Variants in TBC1D22A observed in about 807,000 individuals in gnomAD.
TBC1D22A encodes TBC1 domain family member 22A.
In TBC1D22A, 38 loss-of-function variants were observed where a neutral mutation model predicts 60.2. The ratio of observed to expected loss-of-function variants is 0.63; its 90% CI spans 0.49 to 0.83. TBC1D22A has a LOEUF of 0.83. Ranked by LOEUF, TBC1D22A falls within the 40% of genes least tolerant of loss-of-function variation. The pLI is 0.00. For missense variants in TBC1D22A, 628 were observed against 701.0 expected (o/e 0.90, Z 1.18); for synonymous variants, 302 against 281.7 (o/e 1.07, Z -0.72).
chr22:46,799,923 G>A (rs982582036), intron 4 of TBC1D22A, among the ~76,000 whole-genome samples: 1 of 152,248 alleles, frequency 6.6e-6, no homozygotes, highest in African/African-American at 2.4e-5. Flanking sequence ...TCTTTCCACT[G>A]AAGAGCTCCC....
chr22:46,772,644 CTTTT>C (rs75900312), intron 1 of TBC1D22A, among the ~76,000 whole-genome samples: 1 of 110,932 alleles, frequency 9.0e-6, no homozygotes, highest in Non-Finnish European at 1.9e-5. Flanking sequence ...ATGCACCGCA[CTTTT>C]TTTTTTTTTT....
chr22:47,054,608 T>C (rs1392107566), intron 11 of TBC1D22A, among the ~76,000 whole-genome samples: 1 of 152,202 alleles, frequency 6.6e-6, no homozygotes, highest in East Asian at 1.9e-4. Flanking sequence ...CGGCTCCTCT[T>C]CCTTCTCAGG....
intron 1 of TBC1D22A, among the ~76,000 whole-genome samples, chr22:46,781,449 T>C (rs2083933867): frequency 6.6e-6 from 1 of 152,216 alleles, no homozygotes; most frequent in Non-Finnish European, 1.5e-5. Flanking sequence ...GTGCTGGGAT[T>C]ATAGGCCTGA....
intron 10 of TBC1D22A, among the ~76,000 whole-genome samples, chr22:47,003,390 AC>A (rs918948544): frequency 6.6e-6 from 1 of 151,288 alleles, no homozygotes. Flanking sequence ...ACGCACACAC[AC>A]CCTACACACA....
At chr22:47,153,984 G>A (rs901837570) in intron 12 of TBC1D22A, among the ~76,000 whole-genome samples, 2 of 152,102 alleles carry the variant, frequency 1.3e-5, no homozygotes, top group African/African-American at 2.4e-5. Context: ...GCATGGGAGG[G>A]TGGGCAGAGA....
chr22:46,814,157 T>C (rs1433044241), intron 4 of TBC1D22A, among the ~76,000 whole-genome samples: 4 of 152,262 alleles, frequency 2.6e-5, no homozygotes, highest in African/African-American at 4.8e-5. Flanking sequence ...TATTTAAAAT[T>C]ACAGATGGTC....
At position 46,762,678 on chromosome 22, in the gene TBC1D22A, A is replaced by G. The variant is rs1333285309; in HGVS notation, c.-109A>G. ...AGAGCTTCTCGGCTCTAGGCTCTGGAGTCCCGGGAGCAGTGAGGGGCCACC... is the reference window on the plus strand; with the variant it reads ...AGAGCTTCTCGGCTCTAGGCTCTGGGGTCCCGGGAGCAGTGAGGGGCCACC... On this transcript the variant is annotated 5_prime_UTR_variant, in exon 1 of 13. Coordinates refer to ENST00000337137, the MANE Select transcript of TBC1D22A (RefSeq NM_014346.5). The G allele has an allele frequency of 6.6e-6, 6 of 904,424 alleles. No individual in the cohort carries two copies. The highest frequency in any genetic ancestry group is 9.3e-6 in the Non-Finnish European group (6 of 646,070). 56.0% of individuals were successfully genotyped at this position (904,424 alleles called of 1,614,324 possible). A position where few individuals can be genotyped will look rare whatever the true frequency, so the allele number is the denominator to read the frequency against.
At chr22:47,057,725 C>T (rs565667485) in intron 11 of TBC1D22A, among the ~76,000 whole-genome samples, 1 of 152,266 alleles carries the variant, frequency 6.6e-6, no homozygotes, top group South Asian at 2.1e-4. Context: ...CTCACTATCG[C>T]GAGAATAGCA....
Position 47,037,052 on chromosome 22 carries a change from CT to C in TBC1D22A, c.1202-18del. The C allele has an allele frequency of 6.2e-7, 1 of 1,612,860 alleles. No individual in the cohort carries two copies. Among genetic ancestry groups the C allele is most frequent in the Middle Eastern group, 1.7e-4 (1 of 6,046 alleles). On this transcript the variant is annotated intron_variant, in intron 10 of 12. Transcript: ENST00000337137. ...AGGGCTCCCCTGACAGCCTTGGGGC[CT>C]GTGTTTGTTTTGTGCAGAGCAAGTG...
intron 4 of TBC1D22A, among the ~76,000 whole-genome samples, chr22:46,852,148 G>C (rs537025839): frequency 6.6e-6 from 1 of 152,334 alleles, no homozygotes; most frequent in South Asian, 2.1e-4. Context: ...TATTTGGGGG[G>C]ATGTCGTGGG....
At chr22:46,774,658 C>A (rs2083623479) in intron 1 of TBC1D22A, among the ~76,000 whole-genome samples, 1 of 152,246 alleles carries the variant, frequency 6.6e-6, no homozygotes, top group African/African-American at 2.4e-5. Flanking sequence ...GAAGGTGGGC[C>A]TCTGCTCAAG....
At chr22:47,118,562 CAAG>C (rs1360119478) in intron 12 of TBC1D22A, among the ~76,000 whole-genome samples, 1 of 151,736 alleles carries the variant, frequency 6.6e-6, no homozygotes, top group Non-Finnish European at 1.5e-5. Flanking sequence ...AGCCTTTAAC[CAAG>C]AAGTTAAAAA....
chr22:47,140,768 G>T (rs2067053678), intron 12 of TBC1D22A, among the ~76,000 whole-genome samples: 1 of 152,132 alleles, frequency 6.6e-6, no homozygotes, highest in Admixed American at 6.5e-5. Context: ...CTCAGTTGCT[G>T]CCCTGGCTTC....
chr22:46,815,887 G>A (rs1381801783), intron 4 of TBC1D22A, among the ~76,000 whole-genome samples: 2 of 152,154 alleles, frequency 1.3e-5, no homozygotes, highest in Admixed American at 6.5e-5. Context: ...GAGGCCTGCT[G>A]GTGGGTCGGG....
In TBC1D22A at chr22:46,812,337, G is replaced by T. The variant is rs142686744; in HGVS notation, c.637+14717G>T. Among the ~76,000 whole-genome samples the T allele has an allele frequency of 2.4e-4, 36 of 152,304 alleles. No homozygotes were observed. The East Asian group carries it at 5.4e-3, about 23-fold the overall frequency. On this transcript the variant is annotated intron_variant, in intron 4 of 12. Transcript: ENST00000337137. ...CGCTGGCTTCTCTGCACCCCCTGTG[G>T]GCACAGCAGGCACAAGGATAATGAG...
intron 11 of TBC1D22A, among the ~76,000 whole-genome samples, chr22:47,072,712 C>T (rs552475364): frequency 6.6e-6 from 1 of 152,372 alleles, no homozygotes; most frequent in East Asian, 1.9e-4. Flanking sequence ...CATGGCACCC[C>T]GATCCGATTT....
chr22:46,768,484 C>CAAAAAAA (rs3083471), intron 1 of TBC1D22A, among the ~76,000 whole-genome samples: 2 of 80,364 alleles, frequency 2.5e-5, no homozygotes, highest in Admixed American at 1.5e-4. Context: ...GACTCTGTCT[C>CAAAAAAA]AAAAAAAAAA....
At chr22:46,801,915 C>T (rs906928071) in intron 4 of TBC1D22A, among the ~76,000 whole-genome samples, 4 of 152,246 alleles carry the variant, frequency 2.6e-5, no homozygotes, top group Admixed American at 1.3e-4. Flanking sequence ...TGGAGCCGTA[C>T]ACCTTGGCAG....
chr22:47,033,978 C>T (rs1027894723), intron 10 of TBC1D22A, among the ~76,000 whole-genome samples: 6 of 152,276 alleles, frequency 3.9e-5, no homozygotes, highest in South Asian at 2.1e-4. Context: ...CTCTGTCCCC[C>T]GAGGGATGAG....
Sources: gnomAD v4.1 joint callset for allele counts (sites outside exome capture counted in the v4.1 genomes callset) on GRCh38, gnomAD v4.1.1 for gene constraint, MANE v1.5 for transcripts, NCBI Gene and HGNC (gene_info 2026-07-23, HGNC 2026-07-21) for gene names.